Variants in DOCK3 observed in about 807,000 individuals in gnomAD.
The protein encoded by DOCK3 is dedicator of cytokinesis 3.
DOCK3 carries 60 observed loss-of-function variants against 265.6 expected under a neutral mutation model. That is an observed-to-expected ratio of 0.23 (90% CI 0.18 to 0.28). DOCK3 has a LOEUF of 0.28. Ranked by LOEUF, DOCK3 falls within the 10% of genes least tolerant of loss-of-function variation. The probability of loss-of-function intolerance (pLI) is 1.00; values close to 1 mark genes in which losing one functional copy is unlikely to be tolerated. For synonymous variants in DOCK3, 881 were observed against 938.0 expected, an observed-to-expected ratio of 0.94 and a Z score of 1.11; for missense variants, 1,981 against 2,594.3, an observed-to-expected ratio of 0.76 and a Z score of 5.14.
At chr3:51,207,860 C>CG (rs2089300943) in intron 12 of DOCK3, among the ~76,000 whole-genome samples, 1 of 151,982 alleles carries the variant, frequency 6.6e-6, no homozygotes, top group African/African-American at 2.4e-5. Context: ...CAACAGGGGA[C>CG]GGGGTAGAAC....
chr3:51,307,006 A>G (rs558293539), intron 27 of DOCK3, among the ~76,000 whole-genome samples: 4 of 152,074 alleles, frequency 2.6e-5, no homozygotes, highest in East Asian at 1.9e-4. Flanking sequence ...TAATTTGGCA[A>G]CTCTGGAAAT....
chr3:51,205,896 G>A (rs376187561), intron 12 of DOCK3, among the ~76,000 whole-genome samples: 23 of 152,102 alleles, frequency 1.5e-4, no homozygotes, highest in African/African-American at 5.1e-4. Context: ...GCAAAATTTC[G>A]AGAGTTCAGT....
chr3:51,021,118 A>G (rs763813131), intron 5 of DOCK3, among the ~76,000 whole-genome samples: 1 of 151,846 alleles, frequency 6.6e-6, no homozygotes, highest in East Asian at 1.9e-4. Context: ...ATATTTTTCC[A>G]TTTGTTTTGT....
chr3:51,338,492 C>T (rs2085012570), intron 36 of DOCK3, 73 bp downstream of exon 36: 2 of 1,515,266 alleles, frequency 1.3e-6, no homozygotes, highest in African/African-American at 1.4e-5. Flanking sequence ...ATTGGCTTGG[C>T]CCTTCTACAA....
chr3:51,050,508 C>T (rs1328548632), intron 5 of DOCK3, among the ~76,000 whole-genome samples: 1 of 152,106 alleles, frequency 6.6e-6, no homozygotes, highest in Non-Finnish European at 1.5e-5. Flanking sequence ...TAGATATATA[C>T]ATAAAAGGAG....
intron 5 of DOCK3, among the ~76,000 whole-genome samples, chr3:50,972,952 T>C (rs550013226): frequency 1.3e-4 from 19 of 151,476 alleles, no homozygotes; most frequent in African/African-American, 4.6e-4. Context: ...AATAATGTCA[T>C]TGGTATTTTG....
At chr3:50,990,666 G>A (rs145785059) in intron 5 of DOCK3, among the ~76,000 whole-genome samples, 20 of 152,250 alleles carry the variant, frequency 1.3e-4, no homozygotes, top group South Asian at 4.2e-4. Context: ...TAGATCATCC[G>A]CGGGCTGAGG....
intron 14 of DOCK3, among the ~76,000 whole-genome samples, chr3:51,216,409 C>T (rs957704595): frequency 6.6e-6 from 1 of 152,150 alleles, no homozygotes; most frequent in African/African-American, 2.4e-5. Flanking sequence ...TTTCCCTCCT[C>T]CGGGCAGCTA....
At chr3:51,350,459 C>A in intron 40 of DOCK3, 67 bp downstream of exon 40, 1 of 1,530,438 alleles carries the variant, frequency 6.5e-7, no homozygotes, top group Non-Finnish European at 8.9e-7. Flanking sequence ...AACCGATATT[C>A]TTTTCTTCCC....
At position 51,381,242 on chromosome 3, in the gene DOCK3, G is replaced by C. The variant is rs868974271; in HGVS notation, c.5776G>C (p.Glu1926Gln). Residue 1926 changes from glutamate (E) to glutamine (Q), a missense_variant, in exon 53 of 53, where the codon GAA becomes CAA. Physicochemically the swap from Glu to Gln is conservative, Grantham distance 29 (BLOSUM62 2). Transcript: ENST00000266037. The surrounding 1 kb of genome is among the most constrained non-coding windows in gnomAD (Gnocchi z 5.6). ...GCCAAGTCAGGCCTGGAATGCTGAC[G>C]AAGATCTTGAGCCACCCTACCTCCC... ...SMPSQAWNADEDLEPPYLPVH... is the reference protein window; with the variant it reads ...SMPSQAWNADQDLEPPYLPVH... 1 of 1,613,830 alleles carries C rather than the reference G, an allele frequency of 6.2e-7. No homozygotes were observed. Among genetic ancestry groups the C allele is most frequent in the Non-Finnish European group, 8.5e-7 (1 of 1,179,840 alleles).
At chr3:51,193,967 CT>C (rs1331133515) in intron 12 of DOCK3, among the ~76,000 whole-genome samples, 1 of 151,482 alleles carries the variant, frequency 6.6e-6, no homozygotes, top group Non-Finnish European at 1.5e-5. Context: ...TTTGTTCTTG[CT>C]TTTTTAGTTC....
chr3:50,792,483 A>G (rs1006313532), intron 2 of DOCK3, among the ~76,000 whole-genome samples: 2 of 152,162 alleles, frequency 1.3e-5, no homozygotes, highest in Admixed American at 1.3e-4. Context: ...AGGACTTCCA[A>G]TACTATGTTG....
chr3:51,155,000 A>C (rs757843863), intron 10 of DOCK3, among the ~76,000 whole-genome samples: 13 of 152,112 alleles, frequency 8.5e-5, no homozygotes, highest in Non-Finnish European at 1.6e-4. Context: ...TTTTGCAGTC[A>C]GGGTCTCACT....
At chr3:51,376,495 A>G (rs2088146568) in intron 51 of DOCK3, among the ~76,000 whole-genome samples, 1 of 152,178 alleles carries the variant, frequency 6.6e-6, no homozygotes, top group Non-Finnish European at 1.5e-5. Context: ...AGCCGATGGA[A>G]GAAGCAGACT....
chr3:50,991,782 G>C (rs1575697967), intron 5 of DOCK3, among the ~76,000 whole-genome samples: 2 of 152,100 alleles, frequency 1.3e-5, no homozygotes, highest in East Asian at 3.9e-4. Flanking sequence ...AAAAACAACA[G>C]AATATACATT....
At chr3:51,363,424 CAGA>C (rs1265798325) in intron 49 of DOCK3, among the ~76,000 whole-genome samples, 9 of 152,180 alleles carry the variant, frequency 5.9e-5, no homozygotes, top group Non-Finnish European at 1.5e-5. Flanking sequence ...TTCCAGGCTT[CAGA>C]AGGAGGGAGT....
chr3:51,360,022 T>A (rs1011431874), intron 46 of DOCK3, among the ~76,000 whole-genome samples: 2 of 152,198 alleles, frequency 1.3e-5, no homozygotes, highest in African/African-American at 4.8e-5. Flanking sequence ...ACATCAGGAT[T>A]TTATGTTCTG....
chr3:51,309,678 A>G (rs907129106), intron 27 of DOCK3, among the ~76,000 whole-genome samples: 5 of 152,080 alleles, frequency 3.3e-5, no homozygotes, highest in African/African-American at 1.2e-4. Flanking sequence ...CAGAGCGTAC[A>G]TGGGACTCAT....
intron 9 of DOCK3, among the ~76,000 whole-genome samples, chr3:51,132,893 C>T (rs1484675049): frequency 2.6e-5 from 4 of 152,200 alleles, no homozygotes; most frequent in African/African-American, 9.6e-5. Flanking sequence ...CATCCCCAGT[C>T]ATGTCAGCAT....
Sources: gnomAD v4.1 joint callset for allele counts (sites outside exome capture counted in the v4.1 genomes callset) on GRCh38, gnomAD v4.1.1 for gene constraint, Gnocchi (gnomAD v3.1) non-coding constraint, MANE v1.5 for transcripts, NCBI Gene and HGNC (gene_info 2026-07-23, HGNC 2026-07-21) for gene names.